The following ADPRM variants were observed in gnomAD, a reference collection of about 807,000 sequenced individuals.
The protein encoded by ADPRM is manganese-dependent ADP-ribose/CDP-alcohol diphosphatase.
In ADPRM, 17 loss-of-function variants were observed where a neutral mutation model predicts 27.2. The observed-to-expected ratio is 0.63, with a 90% CI of 0.43 to 0.94. The LOEUF (loss-of-function observed/expected upper bound fraction) is 0.94, where lower values mean the gene tolerates loss of function less well. ADPRM is among the 40% of genes least tolerant of loss of function. The probability of loss-of-function intolerance (pLI) is 0.00; values close to 1 mark genes in which losing one functional copy is unlikely to be tolerated. For missense variants in ADPRM, 337 were observed against 412.8 expected (o/e 0.82, Z 1.59); for synonymous variants, 135 against 145.3 (o/e 0.93, Z 0.51).
chr17:10,697,965 C>T (rs1023259646), intron 1 of ADPRM: 4 of 171,348 alleles, frequency 2.3e-5, no homozygotes, highest in African/African-American at 7.2e-5. Flanking sequence ...TTGTCAACCT[C>T]GTCCTGCCGG....
intron 1 of ADPRM, chr17:10,697,951 G>A: frequency 5.7e-6 from 1 of 174,834 alleles, no homozygotes; most frequent in East Asian, 1.7e-4. Flanking sequence ...TTGTCTGGCC[G>A]ACTTTGTCAA....
rs565080763 is a variant in ADPRM, at chr17:10,705,661, C to G, written c.601+134C>G. 24 of 1,338,516 alleles carry G rather than the reference C, an allele frequency of 1.8e-5. No homozygotes were observed. The South Asian group carries it at 3.5e-4, about 19-fold the overall frequency. The allele number at this position is 1,338,516 out of a possible 1,614,324, so 82.9% of individuals were successfully genotyped here. ...GTTCAGGGTCAGGATTTCTCACAAG[C>G]CTTCTCACATGGATTGGTTACAGTT... is the stretch of plus-strand genomic sequence containing the variant. On this transcript the variant is annotated intron_variant, in intron 2 of 3. Coordinates refer to ENST00000379774, the MANE Select transcript of ADPRM (RefSeq NM_020233.5). The surrounding 1 kb of genome is among the most constrained non-coding windows in gnomAD (Gnocchi z 5.4).
rs574559200 is a variant in ADPRM, at chr17:10,699,672, G to A, written c.-18+2005G>A. Among the ~76,000 whole-genome samples, 7 of 151,796 alleles carry A rather than the reference G, an allele frequency of 4.6e-5. No individual in the cohort carries two copies. In the East Asian group the frequency reaches 9.7e-4, roughly 21 times the overall value. On this transcript the variant is annotated intron_variant, in intron 1 of 3. Coordinates refer to ENST00000379774, the MANE Select transcript of ADPRM (RefSeq NM_020233.5). ...CCCGTGTAGCTGGGACTAGAGGTGC[G>A]TGCCACCAGGCCTGTCTAATTTAAA...
At chr17:10,699,988 T>G (rs2151461213) in intron 1 of ADPRM, among the ~76,000 whole-genome samples, 1 of 152,348 alleles carries the variant, frequency 6.6e-6, no homozygotes, top group South Asian at 2.1e-4. Flanking sequence ...CCCAGCACCC[T>G]AATGTGTTTA....
At chr17:10,709,620 G>T (rs1047847547) in intron 3 of ADPRM, among the ~76,000 whole-genome samples, 4 of 152,068 alleles carry the variant, frequency 2.6e-5, no homozygotes, top group African/African-American at 9.7e-5. Context: ...GTCAAATGCT[G>T]CAGGGACTTG....
At chr17:10,709,793 G>A (rs944230308) in intron 3 of ADPRM, among the ~76,000 whole-genome samples, 2 of 151,922 alleles carry the variant, frequency 1.3e-5, no homozygotes, top group African/African-American at 4.8e-5. Flanking sequence ...AAAAATGAAC[G>A]GTAATAGACA....
chr17:10,700,636 T>TG (rs2151461488), intron 1 of ADPRM, among the ~76,000 whole-genome samples: 1 of 151,330 alleles, frequency 6.6e-6, no homozygotes, highest in East Asian at 1.9e-4. Context: ...TGGTGGTACA[T>TG]GCCTGTAGTC....
intron 1 of ADPRM, among the ~76,000 whole-genome samples, chr17:10,699,518 C>CTTTTTTTTTTTTTTTTTTTTTTTTTTTTT (rs781412834): frequency 2.6e-5 from 3 of 113,340 alleles, no homozygotes; most frequent in African/African-American, 1.0e-4. Context: ...TCTTTTCTTT[C>CTTTTTTTTTTTTTTTTTTTTTTTTTTTTT]TTTTTTTTTT....
chr17:10,708,194 G>C (rs1174062026), intron 3 of ADPRM, among the ~76,000 whole-genome samples: 2 of 152,066 alleles, frequency 1.3e-5, no homozygotes, highest in African/African-American at 2.4e-5. Context: ...ACTTTGGAAG[G>C]CTGAGGTGGG....
At position 10,706,451 on chromosome 17, in the gene ADPRM, C is replaced by T. The variant is rs1377120458; in HGVS notation, c.615C>T (p.Pro205=). 3 of 1,596,314 alleles carry T rather than the reference C, an allele frequency of 1.9e-6. No homozygotes were observed. In the African/African-American group the frequency reaches 4.1e-5, roughly 22 times the overall value. ...AATTCATTTCAGGACTTTCTGAGCC[C>T]CAGTTTGTCCAGTTTAATGGAGGAT... is the stretch of plus-strand genomic sequence containing the variant. The part of the protein sequence containing the change: ...ELNSPQGLSE[P]QFVQFNGGFS... The change falls in exon 3 of 4, where the codon CCC becomes CCT. Residue 205 remains proline (P), a synonymous_variant. Transcript: ENST00000379774.
At chr17:10,697,937 T>G in intron 1 of ADPRM, 1 of 179,716 alleles carries the variant, frequency 5.6e-6, no homozygotes, top group Non-Finnish European at 1.2e-5. Flanking sequence ...CCCATAACCC[T>G]ACCTTGTCTG....
At position 10,711,227 on chromosome 17, in the gene ADPRM, T is replaced by C. The variant is rs2074851437; in HGVS notation, c.*83T>C. 1 of 1,089,460 alleles carries C rather than the reference T, an allele frequency of 9.2e-7. No individual in the cohort carries two copies. Among genetic ancestry groups the C allele is most frequent in the South Asian group, 1.6e-5 (1 of 61,864 alleles). 67.5% of individuals were successfully genotyped at this position (1,089,460 alleles called of 1,614,324 possible). A position where few individuals can be genotyped will look rare whatever the true frequency, so the allele number is the denominator to read the frequency against. On this transcript the variant is annotated 3_prime_UTR_variant, in exon 4 of 4. Transcript: ENST00000379774. ...AAAATAAAAATCCTCTGTCTCATTG[T>C]TTAGTATTCAGCTTGCATAACAAAA...
chr17:10,706,017 G>T (rs1344876884), intron 2 of ADPRM: 2 of 191,856 alleles, frequency 1.0e-5, no homozygotes, highest in Admixed American at 5.3e-5. Context: ...TGACAAGGAG[G>T]AGTCTCCCTT....
chr17:10,710,830 A>G lies in ADPRM; in HGVS notation c.719-4A>G, dbSNP rs1446336658. ...TCATAACTCTTCTTTTCTTTAACTA[A>G]CAGGCCATCTTCCCATTTACCCGGA... On this transcript the variant is annotated splice_polypyrimidine_tract_variant and splice_region_variant and intron_variant, in intron 3 of 3. Coordinates refer to ENST00000379774, the MANE Select transcript of ADPRM (RefSeq NM_020233.5). 1.2e-6 allele frequency: 2 copies of G among 1,611,994 alleles called. No homozygotes were observed. Among genetic ancestry groups the G allele is most frequent in the Non-Finnish European group, 1.7e-6 (2 of 1,178,276 alleles).
intron 1 of ADPRM, among the ~76,000 whole-genome samples, chr17:10,704,029 GAA>G (rs1422648316): frequency 6.6e-6 from 1 of 151,050 alleles, no homozygotes; most frequent in African/African-American, 2.4e-5. Flanking sequence ...AAGTTAAAAA[GAA>G]AAAAAAATCC....
At chr17:10,707,315 A>G (rs2074819563) in intron 3 of ADPRM, among the ~76,000 whole-genome samples, 1 of 152,160 alleles carries the variant, frequency 6.6e-6, no homozygotes, top group Non-Finnish European at 1.5e-5. Context: ...TGGAGGTTGC[A>G]GTGAGCCAAG....
intron 1 of ADPRM, among the ~76,000 whole-genome samples, chr17:10,700,078 T>A (rs929450439): frequency 6.6e-6 from 1 of 152,156 alleles, no homozygotes; most frequent in Non-Finnish European, 1.5e-5. Flanking sequence ...TAACTTTCCT[T>A]TTGGTATGGT....
chr17:10,711,190 C>T lies in ADPRM; in HGVS notation c.*46C>T. On this transcript the variant is annotated 3_prime_UTR_variant, in exon 4 of 4. Transcript: ENST00000379774. ...TAGAAAATGAGCTTTGTGTTTGTCCCTCCTAAACAAAAAAATAAAAATCCT... is the reference window on the plus strand; with the variant it reads ...TAGAAAATGAGCTTTGTGTTTGTCCTTCCTAAACAAAAAAATAAAAATCCT... The T allele has an allele frequency of 1.4e-6, 2 of 1,448,734 alleles. No individual in the cohort carries two copies. The highest frequency in any genetic ancestry group is 2.7e-5 in the South Asian group (2 of 75,362). 89.7% of individuals were successfully genotyped at this position (1,448,734 alleles called of 1,614,324 possible).
chr17:10,699,272 AAAAT>A (rs2074758819), intron 1 of ADPRM: 1 of 152,032 alleles, frequency 6.6e-6, no homozygotes, highest in South Asian at 2.1e-4. Flanking sequence ...CTGCCTCTAA[AAAAT>A]AAATAAAATA....
Sources: allele counts gnomAD v4.1 joint callset (sites outside exome capture counted in the v4.1 genomes callset), GRCh38; gene constraint gnomAD v4.1.1; non-coding constraint Gnocchi (gnomAD v3.1); transcripts MANE v1.5; gene names NCBI Gene and HGNC (gene_info 2026-07-23, HGNC 2026-07-21).